The following MYCBP2 variants were observed in gnomAD, a reference collection of about 807,000 sequenced individuals.
MYCBP2 encodes E3 ubiquitin-protein ligase MYCBP2.
Under a neutral mutation model 525.3 loss-of-function variants are expected in MYCBP2, and 120 were observed. The ratio of observed to expected loss-of-function variants is 0.23; its 90% CI spans 0.20 to 0.27. The LOEUF (loss-of-function observed/expected upper bound fraction) is 0.27, where lower values mean the gene tolerates loss of function less well. Ranked by LOEUF, MYCBP2 falls within the 10% of genes least tolerant of loss-of-function variation. MYCBP2 has a pLI of 1.00. For missense variants in MYCBP2, 4,149 were observed against 5,657.1 expected (o/e 0.73, Z 8.55); for synonymous variants, 1,894 against 1,955.8 (o/e 0.97, Z 0.83).
At chr13:77,225,860 G>A (rs1241370304) in intron 18 of MYCBP2, among the ~76,000 whole-genome samples, 2 of 152,146 alleles carry the variant, frequency 1.3e-5, no homozygotes, top group African/African-American at 4.8e-5. Flanking sequence ...AATTTAAAAT[G>A]TAACAGTTTA....
chr13:77,238,894 G>C (rs1033717973), intron 17 of MYCBP2, among the ~76,000 whole-genome samples: 3 of 152,224 alleles, frequency 2.0e-5, no homozygotes, highest in African/African-American at 4.8e-5. Context: ...ACTTTGGGAG[G>C]CTGATCACCT....
rs763978416 is a variant in MYCBP2, at chr13:77,181,849, G to T, written c.4793C>A (p.Thr1598Lys). The T allele has an allele frequency of 1.2e-6, 2 of 1,614,034 alleles. No homozygotes were observed. The highest frequency in any genetic ancestry group is 1.1e-5 in the South Asian group (1 of 91,084). Residue 1598 changes from threonine to lysine, a missense_variant, in exon 33 of 83, where the codon ACG becomes AAG. Around this residue, in one of 21 missense-constraint regions of MYCBP2, gnomAD observed 292 missense variants for 330.5 expected, o/e 0.88. Coordinates refer to ENST00000544440, the MANE Select transcript of MYCBP2 (RefSeq NM_015057.5). ...GAAGATGGAAGTCAGCTTAACAGACGTGTGACACAGAGCTGACATAACAGC... is the reference window on the plus strand; with the variant it reads ...GAAGATGGAAGTCAGCTTAACAGACTTGTGACACAGAGCTGACATAACAGC... ...LAAVMSALCH[T>K]SVKLTSIFPI...
chr13:77,076,824 T>C lies in MYCBP2; in HGVS notation c.11750A>G (p.Asp3917Gly). Reference sequence around the variant, plus strand: ...CTCTTGTTCTGGTGTAGGTTCAGCATCTCCAGAGATGAGCTTTCCAAATAC... The same window carrying C: ...CTCTTGTTCTGGTGTAGGTTCAGCACCTCCAGAGATGAGCTTTCCAAATAC... ...SQVFGKLISGDAEPTPEQEEK... is the reference protein window; with the variant it reads ...SQVFGKLISGGAEPTPEQEEK... Residue 3917 changes from aspartate (D) to glycine (G), a missense_variant, in exon 68 of 83, where the codon GAT becomes GGT. Around this residue, in one of 21 missense-constraint regions of MYCBP2, gnomAD observed 509 missense variants for 789.4 expected, o/e 0.64. Coordinates refer to ENST00000544440, the MANE Select transcript of MYCBP2 (RefSeq NM_015057.5). The C allele has an allele frequency of 6.2e-7, 1 of 1,612,960 alleles. No individual in the cohort carries two copies. The highest frequency in any genetic ancestry group is 8.5e-7 in the Non-Finnish European group (1 of 1,179,280).
chr13:77,217,929 G>C lies in MYCBP2; in HGVS notation c.2968C>G (p.Pro990Ala), dbSNP rs762610548. ...RGCPTLVQAL[P>A]GPSTQVTAGS... ...GCAGTGACTTGTGTGCTAGGGCCTG[G>C]CAATGCTTGAACAAGAGTGGGACAT... Residue 990 changes from proline to alanine, a missense_variant, in exon 21 of 83, where the codon CCA (proline) becomes GCA (alanine). Transcript: ENST00000544440. 35 of 1,608,890 alleles carry C rather than the reference G, an allele frequency of 2.2e-5. No individual in the cohort carries two copies. Among genetic ancestry groups the C allele is most frequent in the Non-Finnish European group, 3.0e-5 (35 of 1,177,732 alleles).
intron 20 of MYCBP2, among the ~76,000 whole-genome samples, chr13:77,220,725 T>C (rs1315661608): frequency 6.6e-6 from 1 of 152,196 alleles, no homozygotes; most frequent in Admixed American, 6.5e-5. Context: ...ATTGTTCCTC[T>C]ATAGACATAA....
intron 40 of MYCBP2, among the ~76,000 whole-genome samples, chr13:77,167,016 CA>C (rs1338941585): frequency 0.015 from 2,082 of 140,980 alleles, 31 homozygotes; most frequent in East Asian, 0.039. Flanking sequence ...CACACACACA[CA>C]CACACACACC....
chr13:77,291,597 G>A (rs373282966), intron 2 of MYCBP2, among the ~76,000 whole-genome samples: 43 of 152,190 alleles, frequency 2.8e-4, no homozygotes, highest in East Asian at 1.7e-3. Flanking sequence ...GAGAAACCCC[G>A]TCTCTACTAA....
At chr13:77,061,014 T>C (rs369377951) in intron 76 of MYCBP2, among the ~76,000 whole-genome samples, 155 bp downstream of exon 76, 3 of 152,320 alleles carry the variant, frequency 2.0e-5, no homozygotes, top group South Asian at 2.1e-4. Flanking sequence ...CTCTTCACCA[T>C]AGAACACTCT....
Position 77,261,171 on chromosome 13 carries a change from T to A in MYCBP2, c.1852A>T (p.Thr618Ser). ...SASKGEDGES[T>S]KSRRQSKPYK... ...ATGCATAGTTGATCACTCAACTTAC[T>A]TGATTCTCCATCTTCTCCTTTACTA... The change falls in exon 12 of 83, where the codon ACT becomes TCT. Residue 618 changes from threonine (T) to serine (S), a missense_variant and splice_region_variant. Physicochemically the swap from Thr to Ser is moderately conservative, Grantham distance 58. Transcript: ENST00000544440. 1 of 1,610,820 alleles carries A rather than the reference T, an allele frequency of 6.2e-7. No individual in the cohort carries two copies. Among genetic ancestry groups the A allele is most frequent in the East Asian group, 2.2e-5 (1 of 44,788 alleles).
chr13:77,301,853 T>C (rs1426196660), intron 1 of MYCBP2, among the ~76,000 whole-genome samples: 2 of 151,970 alleles, frequency 1.3e-5, no homozygotes, highest in East Asian at 3.8e-4. Context: ...ACATAATTTA[T>C]AAAAAAAGAA....
At chr13:77,069,567 G>T (rs557849268) in intron 69 of MYCBP2, among the ~76,000 whole-genome samples, 1 of 150,878 alleles carries the variant, frequency 6.6e-6, no homozygotes, top group Non-Finnish European at 1.5e-5. Flanking sequence ...GTGAAACCCC[G>T]TCTCTACTAA....
At chr13:77,139,950 C>T in intron 51 of MYCBP2, 97 bp downstream of exon 51, 1 of 705,770 alleles carries the variant, frequency 1.4e-6, no homozygotes, top group East Asian at 2.7e-5. Flanking sequence ...CTGCTTAAAA[C>T]ATATTCTGAC....
chr13:77,262,441 A>G (rs970304437), intron 10 of MYCBP2, among the ~76,000 whole-genome samples: 3 of 152,022 alleles, frequency 2.0e-5, no homozygotes, highest in African/African-American at 4.8e-5. Context: ...TCAAAGTTTT[A>G]TTGAGCGTTT....
intron 18 of MYCBP2, among the ~76,000 whole-genome samples, chr13:77,230,922 G>A (rs774949835): frequency 4.1e-4 from 62 of 152,254 alleles, no homozygotes; most frequent in African/African-American, 1.1e-3. Flanking sequence ...GGAGCATTTC[G>A]AATTTTCAAA....
chr13:77,217,628 T>C (rs2065004771), intron 21 of MYCBP2, among the ~76,000 whole-genome samples: 1 of 152,132 alleles, frequency 6.6e-6, no homozygotes. Context: ...TTAAATTCAA[T>C]AAATTCTAAT....
chr13:77,081,662 C>G lies in MYCBP2; in HGVS notation c.11194-11G>C. ...TACTATGCATAATTCCTATCAGAAACAAATATAAGTACTTATGATACTTAA... is the reference window on the plus strand; with the variant it reads ...TACTATGCATAATTCCTATCAGAAAGAAATATAAGTACTTATGATACTTAA... On this transcript the variant is annotated splice_polypyrimidine_tract_variant and intron_variant, in intron 64 of 82. Transcript: ENST00000544440. The surrounding 1 kb of genome is among the most constrained non-coding windows in gnomAD (Gnocchi z 4.6). The G allele has an allele frequency of 6.3e-7, 1 of 1,590,862 alleles. No homozygotes were observed. Among genetic ancestry groups the G allele is most frequent in the South Asian group, 1.1e-5 (1 of 87,586 alleles).
chr13:77,243,694 A>G (rs1353863103), intron 16 of MYCBP2, 112 bp downstream of exon 16: 2 of 918,552 alleles, frequency 2.2e-6, no homozygotes, highest in African/African-American at 1.7e-5. Flanking sequence ...TATTGCATAC[A>G]TTAATTATTA....
intron 28 of MYCBP2, 45 bp from the exon 29 acceptor site, chr13:77,190,380 A>G (rs1274113225): frequency 9.1e-7 from 1 of 1,097,242 alleles, no homozygotes; most frequent in South Asian, 1.4e-5. Context: ...TGATCATTAC[A>G]GGAAATAAGA....
At position 77,083,127 on chromosome 13, in the gene MYCBP2, A is replaced by T; in HGVS notation, c.10941T>A (p.His3647Gln). Residue 3647 changes from histidine (H) to glutamine (Q), a missense_variant, in exon 63 of 83, where the codon CAT (histidine) becomes CAA (glutamine). By Grantham distance (24) the His-to-Gln change is conservative (BLOSUM62 0). Transcript: ENST00000544440. ...SDIVIAGEAA[H>Q]PLPHTFHRLL... ...AGCGGTGAAAGGTGTGTGGTAAAGGATGAGCAGCTTCCCCGGCAATCACTA... is the reference window on the plus strand; with the variant it reads ...AGCGGTGAAAGGTGTGTGGTAAAGGTTGAGCAGCTTCCCCGGCAATCACTA... 6.2e-7 allele frequency: 1 copy of T among 1,613,606 alleles called. No individual in the cohort carries two copies.
Sources: gnomAD v4.1 joint callset for allele counts (sites outside exome capture counted in the v4.1 genomes callset) on GRCh38, gnomAD v4.1.1 for gene constraint, gnomAD v4.1.1 regional missense constraint, Gnocchi (gnomAD v3.1) non-coding constraint, MANE v1.5 for transcripts, NCBI Gene and HGNC (gene_info 2026-07-23, HGNC 2026-07-21) for gene names.